Variants in DOP1B observed in about 807,000 individuals in gnomAD.
The protein encoded by DOP1B is DOP1 leucine zipper like protein B.
In DOP1B, 174 loss-of-function variants were observed where a neutral mutation model predicts 233.5. That is an observed-to-expected ratio of 0.75 (90% confidence interval 0.66 to 0.85). The LOEUF (loss-of-function observed/expected upper bound fraction) is 0.85, where lower values mean the gene tolerates loss of function less well. Ranked by LOEUF, DOP1B falls within the 40% of genes least tolerant of loss-of-function variation. DOP1B has a pLI of 0.00. For synonymous variants in DOP1B, 1,190 were observed against 1,185.6 expected (o/e 1.00, Z -0.08); for missense variants, 2,652 against 2,846.6 (o/e 0.93, Z 1.56).
chr21:36,192,352 CTG>C (rs2066242961), intron 2 of DOP1B, among the ~76,000 whole-genome samples: 1 of 140,962 alleles, frequency 7.1e-6, no homozygotes, highest in Non-Finnish European at 1.5e-5. Flanking sequence ...GGGCAAGACA[CTG>C]TCAAAAAAAA....
chr21:36,247,695 G>A (rs2066984553), intron 20 of DOP1B, 67 bp downstream of exon 20: 1 of 1,190,436 alleles, frequency 8.4e-7, no homozygotes, highest in African/African-American at 1.6e-5. Flanking sequence ...GGCTATGACT[G>A]TTTCAAATAA....
At chr21:36,238,507 C>A in intron 16 of DOP1B, 94 bp from the exon 17 acceptor site, 1 of 1,047,380 alleles carries the variant, frequency 9.5e-7, no homozygotes, top group African/African-American at 1.6e-5. Flanking sequence ...CTGCTGAAGT[C>A]TTTGATCTAT....
chr21:36,251,826 T>A (rs946121448), intron 22 of DOP1B, among the ~76,000 whole-genome samples: 3 of 152,200 alleles, frequency 2.0e-5, no homozygotes, highest in African/African-American at 7.2e-5. Flanking sequence ...GTTTTCTAAT[T>A]TTTCTGTAAT....
In DOP1B at chr21:36,289,172, TC is replaced by T; in HGVS notation, c.6482del (p.Ser2161PhefsTer32). On this transcript the variant is annotated frameshift_variant, in exon 35 of 37. Transcript: ENST00000691173. LOFTEE classifies it high-confidence loss of function. ...SACKFLDTAL[S>X]FPPDKMPLFQ... ...TTGCAAATTCTTGGACACAGCGCTT[TC>T]TTTTCCACCTGACAAGATGCCATTA... is the stretch of plus-strand genomic sequence containing the variant. 1 of 1,614,066 alleles carries T rather than the reference TC, an allele frequency of 6.2e-7. No individual in the cohort carries two copies. The highest frequency in any genetic ancestry group is 1.1e-5 in the South Asian group (1 of 91,016).
chr21:36,254,359 TA>T (rs1361645974), intron 23 of DOP1B, among the ~76,000 whole-genome samples: 2 of 152,132 alleles, frequency 1.3e-5, no homozygotes, highest in Admixed American at 1.3e-4. Context: ...GGGTTCAGTT[TA>T]GATTTGTGTG....
At chr21:36,176,101 T>TGTGTGTGTGTGTGTGTGTGTGC (rs2066024843) in intron 2 of DOP1B, among the ~76,000 whole-genome samples, 1 of 147,906 alleles carries the variant, frequency 6.8e-6, no homozygotes, top group Admixed American at 6.7e-5. Context: ...TGTGTGCGTG[T>TGTGTGTGTGTGTGTGTGTGTGC]GTGTGTGTGT....
chr21:36,200,820 A>G (rs940418907), intron 4 of DOP1B, among the ~76,000 whole-genome samples: 4 of 151,248 alleles, frequency 2.6e-5, no homozygotes, highest in Non-Finnish European at 4.4e-5. Context: ...TCCAGCCTGG[A>G]CAACAGAGAC....
At chr21:36,187,680 C>A (rs1034636284) in intron 2 of DOP1B, among the ~76,000 whole-genome samples, 7 of 152,082 alleles carry the variant, frequency 4.6e-5, no homozygotes, top group African/African-American at 1.7e-4. Context: ...GATCGTAGCT[C>A]GCCCACAGCC....
At chr21:36,233,214 C>A in intron 15 of DOP1B, 139 bp downstream of exon 15, 1 of 1,187,374 alleles carries the variant, frequency 8.4e-7, no homozygotes, top group South Asian at 1.6e-5. Context: ...GAGGCAGTAG[C>A]CTTTGGTCTT....
intron 23 of DOP1B, among the ~76,000 whole-genome samples, chr21:36,257,596 T>TAGATGATA (rs377732934): frequency 6.7e-6 from 1 of 150,082 alleles, no homozygotes; most frequent in African/African-American, 2.5e-5. Flanking sequence ...CGTAGATAGA[T>TAGATGATA]GATAGATAGA....
chr21:36,230,315 C>T (rs2066745045), intron 13 of DOP1B, 135 bp from the exon 14 acceptor site: 5 of 1,150,494 alleles, frequency 4.3e-6, no homozygotes, highest in Admixed American at 2.8e-5. Context: ...TCATTATACA[C>T]TTAACACAGG....
At chr21:36,168,462 A>G (rs555411530) in intron 2 of DOP1B, among the ~76,000 whole-genome samples, 9 of 152,196 alleles carry the variant, frequency 5.9e-5, no homozygotes, top group Admixed American at 3.3e-4. Flanking sequence ...CAGCAGTTGC[A>G]CCATTTTACA....
chr21:36,242,627 A>G (rs2066905154), intron 18 of DOP1B, among the ~76,000 whole-genome samples: 1 of 152,112 alleles, frequency 6.6e-6, no homozygotes, highest in Non-Finnish European at 1.5e-5. Context: ...TTGGGCTTTA[A>G]AAGTTCCCCA....
intron 5 of DOP1B, 117 bp downstream of exon 5, chr21:36,209,021 A>G: frequency 1.7e-6 from 2 of 1,195,958 alleles, no homozygotes; most frequent in Middle Eastern, 3.0e-4. Context: ...AGGTGCACCA[A>G]GCTTAAGTCT....
chr21:36,167,931 TTTCTTTTTC>T lies in DOP1B; in HGVS notation c.138+3063_138+3071del, dbSNP rs1269006254. On this transcript the variant is annotated intron_variant, in intron 2 of 36. Transcript: ENST00000691173. The stretch of plus-strand genomic sequence containing the variant: ...TAAGTCACATTTTCTTTTCTTTTCT[TTTCTTTTTC>T]TTTTTTTTTTTTTTTTTTTTCGAGA... Among the ~76,000 whole-genome samples the T allele has an allele frequency of 8.7e-5, 7 of 80,078 alleles. No individual in the cohort carries two copies. In the South Asian group the frequency reaches 2.3e-3, roughly 26 times the overall value. The allele number at this position is 80,078 out of a possible 152,430, so 52.5% of individuals were successfully genotyped here. A position where few individuals can be genotyped will look rare whatever the true frequency, so the allele number is the denominator to read the frequency against.
chr21:36,159,365 C>T (rs1055081983), intron 1 of DOP1B, among the ~76,000 whole-genome samples: 6 of 152,070 alleles, frequency 3.9e-5, no homozygotes, highest in African/African-American at 1.2e-4. Context: ...GCAGGAGAAT[C>T]GCTTGAACTC....
Position 36,288,788 on chromosome 21 carries a change from A to G in DOP1B, c.6330A>G (p.Leu2110=), listed in dbSNP as rs778443182. 5.0e-6 allele frequency: 8 copies of G among 1,613,600 alleles called. No individual in the cohort carries two copies. In the East Asian group the frequency reaches 1.8e-4, roughly 36 times the overall value. Reference sequence around the variant, plus strand: ...CATTCACACAGCTTGAAGAAGATCTAAAAGATGAAGATGAGTCATTGAGGT... The same window carrying G: ...CATTCACACAGCTTGAAGAAGATCTGAAAGATGAAGATGAGTCATTGAGGT... ...IQTFTQLEED[L]KDEDESLRST... Residue 2110 remains leucine, a synonymous_variant, in exon 34 of 37, where the codon CTA becomes CTG. Transcript: ENST00000691173.
chr21:36,198,438 A>G (rs953394895), intron 2 of DOP1B, among the ~76,000 whole-genome samples: 6 of 151,746 alleles, frequency 4.0e-5, no homozygotes, highest in African/African-American at 9.7e-5. Context: ...CACAAAAAAA[A>G]AAAAGAAAAA....
intron 1 of DOP1B, among the ~76,000 whole-genome samples, chr21:36,157,387 G>A (rs2065829368): frequency 6.6e-6 from 1 of 152,192 alleles, no homozygotes; most frequent in African/African-American, 2.4e-5. Context: ...GCAGACCTGT[G>A]AGAACTAAGG....
Sources: gnomAD v4.1 joint callset for allele counts (sites outside exome capture counted in the v4.1 genomes callset) on GRCh38, gnomAD v4.1.1 for gene constraint, MANE v1.5 for transcripts, NCBI Gene and HGNC (gene_info 2026-07-23, HGNC 2026-07-21) for gene names.